ZNF816: variants seen among roughly 807,000 people sequenced by gnomAD.
The protein encoded by ZNF816 is zinc finger protein 816, also known as zinc finger protein 816A.
In ZNF816, 11 loss-of-function variants were observed where a neutral mutation model predicts 8.3. The observed-to-expected ratio is 1.32, with a 90% CI of 0.83 to 2.19. The LOEUF (loss-of-function observed/expected upper bound fraction) is 2.19. Ranked by LOEUF, ZNF816 falls within the 30% of genes most tolerant of loss-of-function variation. ZNF816 has a pLI of 0.00. For missense variants in ZNF816, 710 were observed against 779.3 expected (o/e 0.91, Z 1.06); for synonymous variants, 255 against 254.5 (o/e 1.00, Z -0.02).
intron 1 of ZNF816, among the ~76,000 whole-genome samples, chr19:52,958,573 C>G (rs1436181110): frequency 6.6e-6 from 1 of 152,172 alleles, no homozygotes; most frequent in Non-Finnish European, 1.5e-5. Flanking sequence ...TGTTAGGACA[C>G]CCCATGGCAG....
intron 3 of ZNF816, chr19:52,952,026 T>TG: frequency 5.0e-6 from 2 of 396,784 alleles, no homozygotes; most frequent in Non-Finnish European, 8.9e-6. Context: ...GTTTATGTGA[T>TG]GAACACTGTC....
rs2083459352 is a variant in ZNF816, at chr19:52,951,442, A to G, written c.333T>C (p.His111=). The G allele has an allele frequency of 6.2e-7, 1 of 1,614,050 alleles. No individual in the cohort carries two copies. The highest frequency in any genetic ancestry group is 8.5e-7 in the Non-Finnish European group (1 of 1,179,938). ...FCFPEMKKDI[H]HFEFQWQEVE... ...CTTCTTGCCACTGAAACTCAAAGTG[A>G]TGAATATCTTTCTTCATTTCTGGGA... The change falls in exon 4 of 4, where the codon CAT becomes CAC. Residue 111 remains histidine (H), a synonymous_variant. Coordinates refer to ENST00000444460, the MANE Select transcript of ZNF816 (RefSeq NM_001202457.3).
intron 1 of ZNF816, chr19:52,960,130 C>A (rs2083543702): frequency 5.6e-6 from 1 of 178,644 alleles, no homozygotes; most frequent in Admixed American, 6.2e-5. Context: ...ACTTCTACAG[C>A]TCACAATTGT....
Position 52,952,815 on chromosome 19 carries a change from G to C in ZNF816, c.126C>G (p.Asn42Lys), listed in dbSNP as rs751965933. The change falls in exon 3 of 4, where the codon AAC (asparagine) becomes AAG (lysine). Residue 42 changes from asparagine (N) to lysine (K), a missense_variant. Coordinates refer to ENST00000444460, the MANE Select transcript of ZNF816 (RefSeq NM_001202457.3). ...EFSLEEWKCL[N>K]PAQRALYRAV... Reference sequence around the variant, plus strand: ...CCCTGTATAAAGCCCTCTGTGCAGGGTTCAGGCATTTCCACTCCTCCAAAG... The same window carrying C: ...CCCTGTATAAAGCCCTCTGTGCAGGCTTCAGGCATTTCCACTCCTCCAAAG... 1 of 1,613,686 alleles carries C rather than the reference G, an allele frequency of 6.2e-7. No homozygotes were observed. The highest frequency in any genetic ancestry group is 1.1e-5 in the South Asian group (1 of 91,030).
rs148275392 is a variant in ZNF816, at chr19:52,951,138, G to A, written c.637C>T (p.His213Tyr). 3.7e-6 allele frequency: 6 copies of A among 1,614,048 alleles called. No homozygotes were observed. Among genetic ancestry groups the A allele is most frequent in the East Asian group, 4.5e-5 (2 of 44,876 alleles). The part of the protein sequence containing the change: ...ISNKYGKNFL[H>Y]SSFTQIQEIC... ...TCCTGTATTTGTGTGAATGAAGAAT[G>A]GAGGAAATTCTTCCCATACTTATTA... Residue 213 changes from histidine (H) to tyrosine (Y), a missense_variant, in exon 4 of 4, where the codon CAT becomes TAT. Coordinates refer to ENST00000444460, the MANE Select transcript of ZNF816 (RefSeq NM_001202457.3).
intron 2 of ZNF816, among the ~76,000 whole-genome samples, chr19:52,955,175 C>T (rs1333489065): frequency 6.6e-6 from 1 of 151,564 alleles, no homozygotes; most frequent in African/African-American, 2.4e-5. Flanking sequence ...ATCAGAGTCC[C>T]TGTAAAAAAA....
rs1368215443 is a variant in ZNF816 at position 52,957,999 on chromosome 19, C to T, written c.-15-1895G>A. The stretch of plus-strand genomic sequence containing the variant: ...CCAAGGGTGTAGACAGAAGACAACC[C>T]TCCAGGGATGGCAGTTAACCAAGCC... On this transcript the variant is annotated intron_variant, in intron 1 of 3. Coordinates refer to ENST00000444460, the MANE Select transcript of ZNF816 (RefSeq NM_001202457.3). This position sits in a 1 kb window ranked among gnomAD's most constrained non-coding sequence, Gnocchi z 4.6. 6.6e-6 allele frequency among the ~76,000 whole-genome samples: 1 copy of T among 152,200 alleles called. No homozygotes were observed. The highest frequency in any genetic ancestry group is 2.4e-5 in the African/African-American group (1 of 41,448).
intron 1 of ZNF816, among the ~76,000 whole-genome samples, chr19:52,956,917 T>G (rs1428006834): frequency 6.6e-6 from 1 of 152,198 alleles, no homozygotes; most frequent in Non-Finnish European, 1.5e-5. Flanking sequence ...CCTAAACTAC[T>G]TATGTTATCT....
rs764340048 is a variant in ZNF816 at position 52,950,413 on chromosome 19, C to A, written c.1362G>T (p.Lys454Asn). The change falls in exon 4 of 4, where the codon AAG becomes AAT. Residue 454 changes from lysine to asparagine, a missense_variant. Lys to Asn is a moderately conservative substitution (Grantham distance 94). Transcript: ENST00000444460. ...QRVHTGEKPYKCNKCGRSFSR... is the reference protein window; with the variant it reads ...QRVHTGEKPYNCNKCGRSFSR... ...TGAAACTCCTGCCACATTTATTACA[C>A]TTGTATGGTTTCTCTCCAGTATGAA... The A allele has an allele frequency of 1.2e-6, 2 of 1,613,634 alleles. No individual in the cohort carries two copies. The highest frequency in any genetic ancestry group is 1.7e-6 in the Non-Finnish European group (2 of 1,179,920).
intron 3 of ZNF816, 52 bp downstream of exon 3, chr19:52,952,699 G>C: frequency 6.2e-7 from 1 of 1,607,014 alleles, no homozygotes; most frequent in Admixed American, 1.7e-5. Context: ...ACCAGAAAGA[G>C]CCAAGATAGA....
chr19:52,949,645 A>G lies in ZNF816; in HGVS notation c.*174T>C. ...ATGAAGCTTGACTGAAGACCTTGTC[A>G]CAGTCATGATATTTGTAAGGTTTCT... On this transcript the variant is annotated 3_prime_UTR_variant, in exon 4 of 4. Transcript: ENST00000444460. 1 of 1,031,320 alleles carries G rather than the reference A, an allele frequency of 9.7e-7. No homozygotes were observed. The highest frequency in any genetic ancestry group is 1.5e-6 in the Non-Finnish European group (1 of 666,474). 63.9% of individuals were successfully genotyped at this position (1,031,320 alleles called of 1,614,324 possible).
intron 1 of ZNF816, among the ~76,000 whole-genome samples, chr19:52,959,576 G>A (rs1568440867): frequency 6.6e-6 from 1 of 152,156 alleles, no homozygotes; most frequent in Non-Finnish European, 1.5e-5. Context: ...CCAGAAAGCC[G>A]AGCTCATTGC....
intron 1 of ZNF816, among the ~76,000 whole-genome samples, chr19:52,960,489 C>T (rs973814966): frequency 3.3e-5 from 5 of 152,118 alleles, no homozygotes; most frequent in African/African-American, 7.2e-5. Flanking sequence ...TTAAAGATCA[C>T]GTGGAAACTG....
chr19:52,962,470 T>TGGGGCTGC (rs1038716315), intron 1 of ZNF816, among the ~76,000 whole-genome samples: 7 of 151,980 alleles, frequency 4.6e-5, no homozygotes, highest in African/African-American at 1.7e-4. Flanking sequence ...CCGGCCACCC[T>TGGGGCTGC]GGGGCTGCGG....
In ZNF816 at chr19:52,951,564, T is replaced by G. The variant is rs754369014; in HGVS notation, c.211A>C (p.Met71Leu). The change falls in exon 4 of 4, where the codon ATG (methionine) becomes CTG (leucine). Residue 71 changes from methionine to leucine, a missense_variant. Transcript: ENST00000444460. ...CTGTGCCTGGTTGATGAGAACTCCA[T>G]CATGGATTTTAAAGAGCTATCTAAA... ...EFVDSSLKSM[M>L]EFSSTRHSIT... 5 of 1,551,442 alleles carry G rather than the reference T, an allele frequency of 3.2e-6. No individual in the cohort carries two copies. In the African/African-American group the frequency reaches 6.9e-5, roughly 21 times the overall value.
At chr19:52,955,749 A>G (rs553342011) in intron 2 of ZNF816, among the ~76,000 whole-genome samples, 1 of 152,146 alleles carries the variant, frequency 6.6e-6, no homozygotes, top group African/African-American at 2.4e-5. Flanking sequence ...CTGCTGCCCA[A>G]CATCACTGAC....
At chr19:52,954,983 AAG>A (rs2083497528) in intron 2 of ZNF816, among the ~76,000 whole-genome samples, 1 of 152,102 alleles carries the variant, frequency 6.6e-6, no homozygotes, top group African/African-American at 2.4e-5. Context: ...GGGGATGCAT[AAG>A]TGCACTTTTC....
Position 52,960,640 on chromosome 19 carries a change from C to T in ZNF816, c.-16+2087G>A, listed in dbSNP as rs577522249. ...GAGATGCCCCATTAGCTTATTCTCC[C>T]CAGTTCACTCTTTCTCCCCGGGTGA... On this transcript the variant is annotated intron_variant, in intron 1 of 3. Coordinates refer to ENST00000444460, the MANE Select transcript of ZNF816 (RefSeq NM_001202457.3). Among the ~76,000 whole-genome samples, 3 of 152,272 alleles carry T rather than the reference C, an allele frequency of 2.0e-5. No individual in the cohort carries two copies. In the South Asian group the frequency reaches 6.2e-4, roughly 32 times the overall value.
rs2083516468 is a variant in ZNF816 at position 52,957,026 on chromosome 19, T to TATC, written c.-15-925_-15-923dup. On this transcript the variant is annotated intron_variant, in intron 1 of 3. Transcript: ENST00000444460. The surrounding 1 kb of genome is among the most constrained non-coding windows in gnomAD (Gnocchi z 4.6). ...TCACATTCCCCACACTTGCTTGATC[T>TATC]ATCATGACCCTTTCACGTGGATGCC... is the stretch of plus-strand genomic sequence containing the variant. Among the ~76,000 whole-genome samples the TATC allele has an allele frequency of 6.6e-6, 1 of 152,226 alleles. No individual in the cohort carries two copies. Among genetic ancestry groups the TATC allele is most frequent in the African/African-American group, 2.4e-5 (1 of 41,466 alleles).
Sources: gnomAD v4.1 joint callset for allele counts (sites outside exome capture counted in the v4.1 genomes callset) on GRCh38, gnomAD v4.1.1 for gene constraint, Gnocchi (gnomAD v3.1) non-coding constraint, MANE v1.5 for transcripts, NCBI Gene and HGNC (gene_info 2026-07-23, HGNC 2026-07-21) for gene names.